Variants in CASZ1 observed in about 807,000 individuals in gnomAD.
The protein encoded by CASZ1 is zinc finger protein castor homolog 1.
A neutral mutation model predicts 135.2 loss-of-function variants in CASZ1; 28 were observed. The observed-to-expected ratio is 0.21, with a 90% CI of 0.15 to 0.28. The LOEUF (loss-of-function observed/expected upper bound fraction) is 0.28, where lower values mean the gene tolerates loss of function less well. Among genes scored for constraint, CASZ1 ranks in the 10% least tolerant of loss-of-function variants. The pLI is 1.00. For synonymous variants in CASZ1, 1,068 were observed against 1,073.4 expected, an observed-to-expected ratio of 0.99 and a Z score of 0.10; for missense variants, 2,161 against 2,453.3, an observed-to-expected ratio of 0.88 and a Z score of 2.52.
In CASZ1 at chr1:10,721,040, C is replaced by T. The variant is rs1454050715; in HGVS notation, c.-76-15496G>A. Reference sequence around the variant, plus strand: ...AGGGCCCTCATCCTGCCTCCTCGCCCGTAACTCTGGTGGGGGTCCCTTTTG... The same window carrying T: ...AGGGCCCTCATCCTGCCTCCTCGCCTGTAACTCTGGTGGGGGTCCCTTTTG... On this transcript the variant is annotated intron_variant, in intron 2 of 20. Coordinates refer to ENST00000377022, the MANE Select transcript of CASZ1 (RefSeq NM_001079843.3). This position sits in a 1 kb window ranked among gnomAD's most constrained non-coding sequence, Gnocchi z 5.4. Among the ~76,000 whole-genome samples the T allele has an allele frequency of 6.6e-6, 1 of 152,182 alleles. No individual in the cohort carries two copies. The highest frequency in any genetic ancestry group is 1.5e-5 in the Non-Finnish European group (1 of 68,034).
Position 10,654,232 on chromosome 1 carries a change from TG to T in CASZ1, c.1839-15del. On this transcript the variant is annotated splice_polypyrimidine_tract_variant and intron_variant, in intron 10 of 20. Coordinates refer to ENST00000377022, the MANE Select transcript of CASZ1 (RefSeq NM_001079843.3). ...CAGCCGGGGCGCCTGGATGGGACAT[TG>T]GGAGCCTGTCATGAGACCCAGAGGA... 3 of 1,612,678 alleles carry T rather than the reference TG, an allele frequency of 1.9e-6. No individual in the cohort carries two copies. Among genetic ancestry groups the T allele is most frequent in the Non-Finnish European group, 2.5e-6 (3 of 1,179,188 alleles).
chr1:10,641,656 C>A (rs942301632), intron 20 of CASZ1, among the ~76,000 whole-genome samples: 22 of 152,206 alleles, frequency 1.4e-4, no homozygotes, highest in Non-Finnish European at 2.9e-5. Context: ...CTATCTCTCC[C>A]TAGTGCCAGA....
rs1641033884 is a variant in CASZ1, at chr1:10,794,842, GGACA to G, written c.-234+1718_-234+1721del. Among the ~76,000 whole-genome samples, 1 of 151,866 alleles carries G rather than the reference GGACA, an allele frequency of 6.6e-6. No homozygotes were observed. The highest frequency in any genetic ancestry group is 2.4e-5 in the African/African-American group (1 of 41,418). On this transcript the variant is annotated intron_variant, in intron 1 of 20. Coordinates refer to ENST00000377022, the MANE Select transcript of CASZ1 (RefSeq NM_001079843.3). This position sits in a 1 kb window ranked among gnomAD's most constrained non-coding sequence, Gnocchi z 5.6. Reference sequence around the variant, plus strand: ...TTCGCGGAGGAGCTTCCAGCGCCGGGGACAGACATTCGCCCAAACGCTCCGCAGC... The same window carrying G: ...TTCGCGGAGGAGCTTCCAGCGCCGGGGACATTCGCCCAAACGCTCCGCAGC...
intron 1 of CASZ1, among the ~76,000 whole-genome samples, chr1:10,791,726 A>G (rs750114091): frequency 1.6e-5 from 2 of 126,104 alleles, no homozygotes; most frequent in Admixed American, 8.3e-5. Flanking sequence ...CTAAAAAAAG[A>G]GAGAGAGAAA....
intron 3 of CASZ1, among the ~76,000 whole-genome samples, chr1:10,703,337 C>T (rs1462058508): frequency 6.6e-6 from 1 of 152,112 alleles, no homozygotes; most frequent in Admixed American, 6.5e-5. Context: ...TGTGTAACCT[C>T]CAGGGCCTTC....
Position 10,699,091 on chromosome 1 carries a change from G to A in CASZ1, c.-23-5179C>T, listed in dbSNP as rs2100426316. 6.6e-6 allele frequency among the ~76,000 whole-genome samples: 1 copy of A among 152,324 alleles called. No individual in the cohort carries two copies. Among genetic ancestry groups the A allele is most frequent in the African/African-American group, 2.4e-5 (1 of 41,576 alleles). ...GTATCACACATGGCTCCATGGCCCA[G>A]AGGCTGCTTGCTCCAGGGCGTTCTC... On this transcript the variant is annotated intron_variant, in intron 3 of 20. Transcript: ENST00000377022. This position sits in a 1 kb window ranked among gnomAD's most constrained non-coding sequence, Gnocchi z 4.6.
At chr1:10,780,575 T>C (rs553795812) in intron 1 of CASZ1, among the ~76,000 whole-genome samples, 1 of 152,332 alleles carries the variant, frequency 6.6e-6, no homozygotes, top group Admixed American at 6.5e-5. Context: ...AATAAATATA[T>C]ACAGTCACCA....
At chr1:10,780,165 T>C (rs1037767510) in intron 1 of CASZ1, among the ~76,000 whole-genome samples, 36 of 152,222 alleles carry the variant, frequency 2.4e-4, no homozygotes, top group African/African-American at 8.7e-4. Flanking sequence ...TGCTCTCCAT[T>C]TTTATATCTG....
chr1:10,766,166 G>C lies in CASZ1; in HGVS notation c.-233-5309C>G, dbSNP rs80184927. 6.2e-3 allele frequency among the ~76,000 whole-genome samples: 950 copies of C among 152,128 alleles called. 5 individuals are homozygous for C. Among genetic ancestry groups the C allele is most frequent in the Non-Finnish European group, 7.2e-3 (488 of 67,978 alleles). On this transcript the variant is annotated intron_variant, in intron 1 of 20. Coordinates refer to ENST00000377022, the MANE Select transcript of CASZ1 (RefSeq NM_001079843.3). The stretch of plus-strand genomic sequence containing the variant: ...GAACCAAATACCGTGCGGAGGGTCA[G>C]AAAGTGGAGTCAGTCACAAAACACA...
chr1:10,749,256 T>G (rs1023707358), intron 2 of CASZ1, among the ~76,000 whole-genome samples: 1 of 151,688 alleles, frequency 6.6e-6, no homozygotes, highest in African/African-American at 2.4e-5. Context: ...CCCCCCTATT[T>G]TTTTTTTTTG....
chr1:10,755,940 C>G lies in CASZ1; in HGVS notation c.-77+4761G>C, dbSNP rs561218851. On this transcript the variant is annotated intron_variant, in intron 2 of 20. Transcript: ENST00000377022. The surrounding 1 kb of genome is among the most constrained non-coding windows in gnomAD (Gnocchi z 4.3). ...CCCTGGAGGATGGCATGAGAACTGT[C>G]CAGTCCAGTTAGGAGTGAAGGTCAC... is the stretch of plus-strand genomic sequence containing the variant. Among the ~76,000 whole-genome samples the G allele has an allele frequency of 6.6e-6, 1 of 151,406 alleles. No individual in the cohort carries two copies. Among genetic ancestry groups the G allele is most frequent in the African/African-American group, 2.4e-5 (1 of 41,198 alleles).
intron 13 of CASZ1, chr1:10,649,754 C>T (rs1642499133): frequency 2.6e-5 from 7 of 270,626 alleles, no homozygotes; most frequent in South Asian, 2.5e-4. Flanking sequence ...CCAGACTTCG[C>T]GGCTCCCTGG....
rs1639929911 is a variant in CASZ1, at chr1:10,741,929, T to G, written c.-77+18772A>C. Among the ~76,000 whole-genome samples, 1 of 152,046 alleles carries G rather than the reference T, an allele frequency of 6.6e-6. No individual in the cohort carries two copies. The highest frequency in any genetic ancestry group is 2.1e-4 in the South Asian group (1 of 4,816). On this transcript the variant is annotated intron_variant, in intron 2 of 20. Coordinates refer to ENST00000377022, the MANE Select transcript of CASZ1 (RefSeq NM_001079843.3). This position sits in a 1 kb window ranked among gnomAD's most constrained non-coding sequence, Gnocchi z 5.0. The stretch of plus-strand genomic sequence containing the variant: ...GAGATCTAGAACATTTTGGTGCTAT[T>G]CTGAGACCTAATGTGCCTAACCCAG...
At chr1:10,668,043 C>T (rs1643290017) in intron 4 of CASZ1, among the ~76,000 whole-genome samples, 1 of 152,228 alleles carries the variant, frequency 6.6e-6, no homozygotes. Flanking sequence ...TGCTGCCCTC[C>T]CTCTCCCTCT....
At chr1:10,713,825 CT>C (rs1639329663) in intron 2 of CASZ1, among the ~76,000 whole-genome samples, 1 of 152,258 alleles carries the variant, frequency 6.6e-6, no homozygotes, top group Non-Finnish European at 1.5e-5. Flanking sequence ...CTGGCCGCCC[CT>C]GTGCCAGAAA....
chr1:10,735,432 C>T lies in CASZ1; in HGVS notation c.-77+25269G>A, dbSNP rs1221839993. The stretch of plus-strand genomic sequence containing the variant: ...GGAGGGGACGGGGGACTGGCGGAGT[C>T]AGGCGCCAGGGCTGCCTCCCTCTGC... On this transcript the variant is annotated intron_variant, in intron 2 of 20. Transcript: ENST00000377022. This position sits in a 1 kb window ranked among gnomAD's most constrained non-coding sequence, Gnocchi z 5.1. 6.6e-6 allele frequency among the ~76,000 whole-genome samples: 1 copy of T among 152,152 alleles called. No homozygotes were observed.
At chr1:10,765,991 C>T (rs1337236289) in intron 1 of CASZ1, among the ~76,000 whole-genome samples, 1 of 152,154 alleles carries the variant, frequency 6.6e-6, no homozygotes, top group African/African-American at 2.4e-5. Context: ...GGCGTGTCGC[C>T]AGAGGGAGAC....
Position 10,759,377 on chromosome 1 carries a change from C to G in CASZ1, c.-77+1324G>C, listed in dbSNP as rs569190491. Among the ~76,000 whole-genome samples the G allele has an allele frequency of 6.6e-6, 1 of 152,190 alleles. No homozygotes were observed. Among genetic ancestry groups the G allele is most frequent in the Non-Finnish European group, 1.5e-5 (1 of 68,038 alleles). On this transcript the variant is annotated intron_variant, in intron 2 of 20. Coordinates refer to ENST00000377022, the MANE Select transcript of CASZ1 (RefSeq NM_001079843.3). The surrounding 1 kb of genome is among the most constrained non-coding windows in gnomAD (Gnocchi z 4.2). Reference sequence around the variant, plus strand: ...CCCACGGCCTTTTCCAGGTGACAGTCTAAACAGCCCCGGTGCTATCCAGGG... The same window carrying G: ...CCCACGGCCTTTTCCAGGTGACAGTGTAAACAGCCCCGGTGCTATCCAGGG...
rs552616032 is a variant in CASZ1, at chr1:10,774,193, C to T, written c.-233-13336G>A. On this transcript the variant is annotated intron_variant, in intron 1 of 20. Transcript: ENST00000377022. The surrounding 1 kb of genome is among the most constrained non-coding windows in gnomAD (Gnocchi z 4.4). ...TTAGAGTTTTGGGTGGAAATCCACCCGGAGTGCACCCTCCCACCTGACACC... is the reference window on the plus strand; with the variant it reads ...TTAGAGTTTTGGGTGGAAATCCACCTGGAGTGCACCCTCCCACCTGACACC... Among the ~76,000 whole-genome samples the T allele has an allele frequency of 3.3e-5, 5 of 152,082 alleles. No homozygotes were observed. Among genetic ancestry groups the T allele is most frequent in the Non-Finnish European group, 4.4e-5 (3 of 68,024 alleles).
Sources: allele counts gnomAD v4.1 joint callset (sites outside exome capture counted in the v4.1 genomes callset), GRCh38; gene constraint gnomAD v4.1.1; non-coding constraint Gnocchi (gnomAD v3.1); transcripts MANE v1.5; gene names NCBI Gene and HGNC (gene_info 2026-07-23, HGNC 2026-07-21).